The following ADA2 variants were observed in gnomAD, a reference collection of about 807,000 sequenced individuals.
ADA2 encodes the protein adenosine deaminase CECR1.
In ADA2, 29 loss-of-function variants were observed where a neutral mutation model predicts 44.2. The ratio of observed to expected loss-of-function variants is 0.66; its 90% CI spans 0.49 to 0.89. The LOEUF is 0.89. ADA2 is among the 40% of genes least tolerant of loss of function. ADA2 has a pLI of 0.00. For missense variants in ADA2, 637 were observed against 644.8 expected (o/e 0.99, Z 0.13); for synonymous variants, 215 against 234.9 (o/e 0.92, Z 0.77).
In ADA2 at chr22:17,188,868, A is replaced by AAAAAAAAAAAAAAAAAAAAAT; in HGVS notation, c.973-422_973-421insATTTTTTTTTTTTTTTTTTTT. The AAAAAAAAAAAAAAAAAAAAAT allele has an allele frequency of 6.2e-4, 50 of 81,156 alleles. 1 individual carries two copies. The highest frequency in any genetic ancestry group is 1.1e-3 in the African/African-American group (27 of 23,800). 5.0% of individuals were successfully genotyped at this position (81,156 alleles called of 1,614,324 possible). Reference sequence around the variant, plus strand: ...CACTACAGCCTGGCCAAGAGCAAAAAATATATATATATATATATTTTGTAA... The same window carrying AAAAAAAAAAAAAAAAAAAAAT: ...CACTACAGCCTGGCCAAGAGCAAAAAAAAAAAAAAAAAAAAAAAAATATATATATATATATATATTTTGTAA... On this transcript the variant is annotated intron_variant, in intron 6 of 9. Coordinates refer to ENST00000399837, the MANE Select transcript of ADA2 (RefSeq NM_001282225.2).
chr22:17,195,589 C>T (rs1255556816), intron 4 of ADA2, among the ~76,000 whole-genome samples: 5 of 151,868 alleles, frequency 3.3e-5, no homozygotes, highest in Admixed American at 1.3e-4. Flanking sequence ...ACAGTCTTGC[C>T]GTGTCGTCCA....
chr22:17,213,583 G>A (rs9619014), intron 1 of ADA2: 10,641 of 297,604 alleles, frequency 0.036, 342 homozygotes, highest in African/African-American at 0.1. Context: ...GTGACCAAGC[G>A]GAAGAAGAAA....
rs74276417 is a variant in ADA2 at position 17,179,796 on chromosome 22, C to T, written c.*1687G>A. The T allele has an allele frequency of 0.042, 6,363 of 152,258 alleles. 195 individuals are homozygous for T. The highest frequency in any genetic ancestry group is 0.13 in the East Asian group (696 of 5,172). 9.4% of individuals were successfully genotyped at this position (152,258 alleles called of 1,614,324 possible). A position where few individuals can be genotyped will look rare whatever the true frequency, so the allele number is the denominator to read the frequency against. On this transcript the variant is annotated 3_prime_UTR_variant, in exon 10 of 10. Coordinates refer to ENST00000399837, the MANE Select transcript of ADA2 (RefSeq NM_001282225.2). ...ATGGGGTGTACCTCTAAACGCACTG[C>T]GTTGTAAGCAAAGGAGTGACCTGAT... is the stretch of plus-strand genomic sequence containing the variant.
chr22:17,209,831 T>G (rs1313844285), intron 1 of ADA2, 108 bp from the exon 2 acceptor site: 2 of 639,260 alleles, frequency 3.1e-6, no homozygotes, highest in African/African-American at 3.7e-5. Context: ...TATTGAAGGA[T>G]TCTTCTTCCA....
intron 7 of ADA2, among the ~76,000 whole-genome samples, chr22:17,183,942 C>T (rs1384282349): frequency 6.8e-6 from 1 of 147,398 alleles, no homozygotes; most frequent in East Asian, 2.0e-4. Context: ...CCTGCCATCC[C>T]CATCACACCT....
At chr22:17,190,140 C>T (rs2062097164) in intron 5 of ADA2, 108 bp from the exon 6 acceptor site, 2 of 859,650 alleles carry the variant, frequency 2.3e-6, no homozygotes, top group African/African-American at 1.7e-5. Context: ...TGTGCAGGTC[C>T]CGTTTCCCAA....
At chr22:17,203,325 G>A (rs1326243397) in intron 4 of ADA2, among the ~76,000 whole-genome samples, 5 of 152,058 alleles carry the variant, frequency 3.3e-5, no homozygotes, top group East Asian at 3.9e-4. Context: ...AGGGGAGAAC[G>A]GGGAACCATG....
chr22:17,194,019 G>GAAAAA (rs34572644), intron 4 of ADA2, among the ~76,000 whole-genome samples: 1 of 123,044 alleles, frequency 8.1e-6, no homozygotes, highest in Non-Finnish European at 1.7e-5. Flanking sequence ...AAAAAGGAAT[G>GAAAAA]AAAAAAAAAA....
intron 1 of ADA2, among the ~76,000 whole-genome samples, chr22:17,211,767 A>C (rs2062420773): frequency 6.6e-6 from 1 of 151,872 alleles, no homozygotes; most frequent in Non-Finnish European, 1.5e-5. Context: ...GTCTCTACTG[A>C]AAATACAAAA....
At chr22:17,218,003 C>T (rs2062489420) in intron 1 of ADA2, among the ~76,000 whole-genome samples, 1 of 152,090 alleles carries the variant, frequency 6.6e-6, no homozygotes, top group African/African-American at 2.4e-5. Flanking sequence ...AGTGTCCTCA[C>T]CTACAAAAAA....
At position 17,195,946 on chromosome 22, in the gene ADA2, GCCAT is replaced by G. The variant is rs527396116; in HGVS notation, c.754-4140_754-4137del. ...GTATTTCTGGTAGAGACGGGGTTTC[GCCAT>G]GCTGGTCAGGCTGGTCTTGAACTCC... is the stretch of plus-strand genomic sequence containing the variant. On this transcript the variant is annotated intron_variant, in intron 4 of 9. Transcript: ENST00000399837. Among the ~76,000 whole-genome samples, 29 of 151,800 alleles carry G rather than the reference GCCAT, an allele frequency of 1.9e-4. 2 individuals are homozygous for G. The South Asian group carries it at 5.8e-3, about 31-fold the overall frequency.
chr22:17,199,436 C>CCTCTTCCCCTCCCACCCCTCCTCTATA, intron 4 of ADA2: 8 of 1,000,778 alleles, frequency 8.0e-6, no homozygotes, highest in Non-Finnish European at 1.3e-5. Context: ...CCTCCTCTAT[C>CCTCTTCCCCTCCCACCCCTCCTCTATA]CTCTTCCCCT....
chr22:17,210,741 G>C (rs1329123872), intron 1 of ADA2, among the ~76,000 whole-genome samples: 2 of 151,946 alleles, frequency 1.3e-5, no homozygotes, highest in East Asian at 3.9e-4. Flanking sequence ...GGGACTACAG[G>C]CACGCGTCAC....
chr22:17,195,398 G>A (rs2062177273), intron 4 of ADA2, among the ~76,000 whole-genome samples: 1 of 151,990 alleles, frequency 6.6e-6, no homozygotes, highest in Admixed American at 6.6e-5. Flanking sequence ...GCGTGGTGGT[G>A]GGCGCCTGTA....
At chr22:17,200,434 G>A (rs1437509714) in intron 4 of ADA2, among the ~76,000 whole-genome samples, 3 of 152,250 alleles carry the variant, frequency 2.0e-5, no homozygotes, top group South Asian at 4.1e-4. Flanking sequence ...CAAAGTTAAT[G>A]TTCCCCTCCC....
In ADA2 at chr22:17,197,269, C is replaced by CTTT. The variant is rs113880994; in HGVS notation, c.754-5462_754-5460dup. The stretch of plus-strand genomic sequence containing the variant: ...CTTTTTTTCTTTCTTTCTTTTTTTT[C>CTTT]TTTTTTTTTTTTGTCTGAGACAGGG... On this transcript the variant is annotated intron_variant, in intron 4 of 9. Coordinates refer to ENST00000399837, the MANE Select transcript of ADA2 (RefSeq NM_001282225.2). Among the ~76,000 whole-genome samples the CTTT allele has an allele frequency of 7.0e-5, 10 of 143,198 alleles. No individual in the cohort carries two copies. In the South Asian group the frequency reaches 1.5e-3, roughly 22 times the overall value. The allele number at this position is 143,198 out of a possible 152,430, so 93.9% of individuals were successfully genotyped here.
intron 1 of ADA2, among the ~76,000 whole-genome samples, chr22:17,214,558 C>T (rs901634542): frequency 1.3e-4 from 20 of 152,186 alleles, no homozygotes; most frequent in African/African-American, 4.8e-4. Context: ...GCCAGGGTGG[C>T]CTGTAGTATG....
At chr22:17,199,424 C>CCCCTCCTCTATCCTCTTCCCCTCCCTA in intron 4 of ADA2, 9 of 962,394 alleles carry the variant, frequency 9.4e-6, no homozygotes, top group African/African-American at 1.6e-5. Context: ...TCTCCTCCCT[C>CCCCTCCTCTATCCTCTTCCCCTCCCTA]CCCTCCTCTA....
rs1424916175 is a variant in ADA2, at chr22:17,209,069, T to G, written c.322+287A>C. Among the ~76,000 whole-genome samples, 4 of 152,060 alleles carry G rather than the reference T, an allele frequency of 2.6e-5. No homozygotes were observed. In the South Asian group the frequency reaches 8.3e-4, roughly 32 times the overall value. ...ACTACTCCAGGATGCTATATCACATTGTATCCTATGTGGTAGCTTAGCCCC... is the reference window on the plus strand; with the variant it reads ...ACTACTCCAGGATGCTATATCACATGGTATCCTATGTGGTAGCTTAGCCCC... On this transcript the variant is annotated intron_variant, in intron 2 of 9. Coordinates refer to ENST00000399837, the MANE Select transcript of ADA2 (RefSeq NM_001282225.2).
Sources: gnomAD v4.1 joint callset for allele counts (sites outside exome capture counted in the v4.1 genomes callset) on GRCh38, gnomAD v4.1.1 for gene constraint, MANE v1.5 for transcripts, NCBI Gene and HGNC (gene_info 2026-07-23, HGNC 2026-07-21) for gene names.